The following CFAP299 variants were observed in gnomAD, a reference collection of about 807,000 sequenced individuals.
CFAP299 encodes the protein cilia- and flagella-associated protein 299.
Under a neutral mutation model 27.0 loss-of-function variants are expected in CFAP299, and 21 were observed. The ratio of observed to expected loss-of-function variants is 0.78; its 90% CI spans 0.55 to 1.12. The LOEUF (loss-of-function observed/expected upper bound fraction) is 1.12. Among genes scored for constraint, CFAP299 ranks in the 50% most tolerant of loss-of-function variants. CFAP299 has a pLI of 0.00. For missense variants in CFAP299, 310 were observed against 276.6 expected (o/e 1.12, Z -0.86); for synonymous variants, 104 against 98.1 (o/e 1.06, Z -0.36).
intron 3 of CFAP299, among the ~76,000 whole-genome samples, chr4:80,676,980 G>A (rs975221045): frequency 6.6e-6 from 1 of 151,436 alleles, no homozygotes; most frequent in African/African-American, 2.4e-5. Context: ...TTTTCCTTCT[G>A]CTAATTTGGG....
rs557815539 is a variant in CFAP299, at chr4:80,724,560, C to T, written c.333+141377C>T. Among the ~76,000 whole-genome samples the T allele has an allele frequency of 6.6e-5, 10 of 152,116 alleles. No individual in the cohort carries two copies. The East Asian group carries it at 1.9e-3, about 29-fold the overall frequency. On this transcript the variant is annotated intron_variant, in intron 3 of 5. Coordinates refer to ENST00000358105, the MANE Select transcript of CFAP299 (RefSeq NM_152770.3). ...GAACTAAAGCTTTTTATAGGTAAGCCTATTTCGTCACTGACTTTTTTTGGA... is the reference window on the plus strand; with the variant it reads ...GAACTAAAGCTTTTTATAGGTAAGCTTATTTCGTCACTGACTTTTTTTGGA...
intron 3 of CFAP299, among the ~76,000 whole-genome samples, chr4:80,824,553 T>G (rs1468420622): frequency 6.6e-6 from 1 of 152,170 alleles, no homozygotes; most frequent in African/African-American, 2.4e-5. Flanking sequence ...TCTCCCTTCA[T>G]TTTTATTTTT....
intron 2 of CFAP299, among the ~76,000 whole-genome samples, chr4:80,473,373 AT>A (rs1487501817): frequency 2.0e-5 from 3 of 152,082 alleles, no homozygotes; most frequent in Non-Finnish European, 4.4e-5. Flanking sequence ...CAGTATCATT[AT>A]TCCTTCCCAA....
chr4:80,350,853 G>C (rs1722979967), intron 1 of CFAP299, among the ~76,000 whole-genome samples: 2 of 152,214 alleles, frequency 1.3e-5, no homozygotes, highest in South Asian at 4.1e-4. Context: ...AAACCTAGAT[G>C]ATGGATTGAT....
chr4:80,704,928 G>C (rs1721735367), intron 3 of CFAP299, among the ~76,000 whole-genome samples: 1 of 151,794 alleles, frequency 6.6e-6, no homozygotes, highest in Non-Finnish European at 1.5e-5. Context: ...TATGATAATA[G>C]AAATTGGGTA....
chr4:80,493,400 G>C (rs1731244306), intron 2 of CFAP299, among the ~76,000 whole-genome samples: 1 of 152,132 alleles, frequency 6.6e-6, no homozygotes, highest in Non-Finnish European at 1.5e-5. Context: ...GATCTCACAG[G>C]CTAAACAAAT....
chr4:80,372,304 G>C (rs1345145818), intron 2 of CFAP299, among the ~76,000 whole-genome samples: 1 of 152,128 alleles, frequency 6.6e-6, no homozygotes. Flanking sequence ...CTCCCAACAG[G>C]CCTCACCTCC....
chr4:80,901,427 C>T (rs1344454938), intron 4 of CFAP299, among the ~76,000 whole-genome samples: 1 of 152,092 alleles, frequency 6.6e-6, no homozygotes, highest in Non-Finnish European at 1.5e-5. Flanking sequence ...TTGAAACATT[C>T]TGGCTCCTTC....
chr4:80,358,735 T>G (rs1258431687), intron 1 of CFAP299, among the ~76,000 whole-genome samples: 2 of 152,178 alleles, frequency 1.3e-5, no homozygotes, highest in African/African-American at 4.8e-5. Flanking sequence ...GTGAGATTGA[T>G]CTCTTGAAGA....
intron 3 of CFAP299, among the ~76,000 whole-genome samples, chr4:80,843,994 A>G (rs931574315): frequency 3.3e-5 from 5 of 152,004 alleles, no homozygotes; most frequent in Admixed American, 3.3e-4. Context: ...ATGAGTGAGA[A>G]CATGCGGTGT....
At chr4:80,500,385 A>T (rs1234299691) in intron 2 of CFAP299, among the ~76,000 whole-genome samples, 1 of 152,084 alleles carries the variant, frequency 6.6e-6, no homozygotes, top group African/African-American at 2.4e-5. Context: ...GGGATAGCTC[A>T]TTTAAAAGTT....
chr4:80,909,235 C>G (rs1450911089), intron 4 of CFAP299, among the ~76,000 whole-genome samples: 1 of 151,826 alleles, frequency 6.6e-6, no homozygotes, highest in African/African-American at 2.4e-5. Context: ...CAATGGTCAC[C>G]AAACTTCATT....
intron 2 of CFAP299, among the ~76,000 whole-genome samples, chr4:80,582,501 T>C (rs1736222815): frequency 1.3e-5 from 2 of 151,920 alleles, no homozygotes; most frequent in Admixed American, 1.3e-4. Flanking sequence ...ACTCTTGAAC[T>C]CACTATTATG....
intron 3 of CFAP299, among the ~76,000 whole-genome samples, chr4:80,755,076 G>A (rs1333256979): frequency 6.6e-6 from 1 of 152,038 alleles, no homozygotes; most frequent in Admixed American, 6.6e-5. Flanking sequence ...GTTTTTCTAG[G>A]TGAATATTAA....
At chr4:80,396,532 T>C (rs1725807242) in intron 2 of CFAP299, among the ~76,000 whole-genome samples, 1 of 152,202 alleles carries the variant, frequency 6.6e-6, no homozygotes, top group Non-Finnish European at 1.5e-5. Context: ...TACAATGAAT[T>C]CTTTTTAGTG....
At chr4:80,884,600 A>C (rs887079340) in intron 4 of CFAP299, among the ~76,000 whole-genome samples, 6 of 151,446 alleles carry the variant, frequency 4.0e-5, no homozygotes, top group African/African-American at 1.4e-4. Flanking sequence ...CAGAGGAAGA[A>C]AATAATAAAG....
chr4:80,431,521 C>T (rs1239400131), intron 2 of CFAP299, among the ~76,000 whole-genome samples: 1 of 151,748 alleles, frequency 6.6e-6, no homozygotes, highest in Non-Finnish European at 1.5e-5. Flanking sequence ...TTCTTCTCTT[C>T]TCCCTCGTCC....
chr4:80,794,269 C>A (rs996135767), intron 3 of CFAP299, among the ~76,000 whole-genome samples: 1 of 152,174 alleles, frequency 6.6e-6, no homozygotes, highest in African/African-American at 2.4e-5. Flanking sequence ...CTGGTGGCAG[C>A]ATTCCTCCTT....
chr4:80,631,407 G>T (rs1404414712), intron 3 of CFAP299, among the ~76,000 whole-genome samples: 2 of 152,050 alleles, frequency 1.3e-5, no homozygotes, highest in African/African-American at 4.8e-5. Context: ...ATAAAGTAAA[G>T]AGTAAGTCTA....
Sources: allele counts gnomAD v4.1 joint callset (sites outside exome capture counted in the v4.1 genomes callset), GRCh38; gene constraint gnomAD v4.1.1; transcripts MANE v1.5; gene names NCBI Gene and HGNC (gene_info 2026-07-23, HGNC 2026-07-21).